KDM3A: variants seen among roughly 807,000 people sequenced by gnomAD.
KDM3A encodes lysine-specific demethylase 3A.
A neutral mutation model predicts 158.0 loss-of-function variants in KDM3A; 60 were observed. That is an observed-to-expected ratio of 0.38 (90% confidence interval 0.31 to 0.47). The LOEUF (loss-of-function observed/expected upper bound fraction) is 0.47. Ranked by LOEUF, KDM3A falls within the 20% of genes least tolerant of loss-of-function variation. The pLI is 0.99. For missense variants in KDM3A, 1,319 were observed against 1,574.3 expected (o/e 0.84, Z 2.74); for synonymous variants, 608 against 549.3 (o/e 1.11, Z -1.49).
At chr2:86,445,213 A>G (rs1304069638) in intron 2 of KDM3A, among the ~76,000 whole-genome samples, 1 of 151,978 alleles carries the variant, frequency 6.6e-6, no homozygotes, top group Non-Finnish European at 1.5e-5. Context: ...GTGCTCAGCT[A>G]TTTGAATGGA....
At chr2:86,449,584 C>T (rs1672348834) in intron 2 of KDM3A, among the ~76,000 whole-genome samples, 1 of 152,100 alleles carries the variant, frequency 6.6e-6, no homozygotes, top group Non-Finnish European at 1.5e-5. Flanking sequence ...GCCCAAAAAG[C>T]CTTGACTTCT....
At chr2:86,457,814 A>G (rs969573206) in intron 8 of KDM3A, among the ~76,000 whole-genome samples, 8 of 152,196 alleles carry the variant, frequency 5.3e-5, no homozygotes, top group Admixed American at 2.6e-4. Context: ...TTGGTTTGCC[A>G]TTACTAATTT....
chr2:86,470,595 A>AT (rs1472589188), intron 11 of KDM3A, among the ~76,000 whole-genome samples, 187 bp downstream of exon 11: 4 of 151,982 alleles, frequency 2.6e-5, no homozygotes, highest in Non-Finnish European at 5.9e-5. Flanking sequence ...CTTATTTTTG[A>AT]TTTTTTTTAA....
upstream of KDM3A, among the ~76,000 whole-genome samples, chr2:86,437,065 A>T (rs1246621457): frequency 6.6e-6 from 1 of 152,250 alleles, no homozygotes; most frequent in South Asian, 2.1e-4. Flanking sequence ...ATTGGATTTT[A>T]AAATATGTAG....
chr2:86,478,859 A>C (rs187765460), intron 15 of KDM3A, 124 bp downstream of exon 15: 86 of 873,214 alleles, frequency 9.8e-5, no homozygotes, highest in Middle Eastern at 6.7e-4. Context: ...AAGTGGAAAG[A>C]GAGAGAGAAA....
upstream of KDM3A, among the ~76,000 whole-genome samples, chr2:86,439,635 T>C (rs1388365668): frequency 6.6e-6 from 1 of 152,090 alleles, no homozygotes; most frequent in Non-Finnish European, 1.5e-5. Flanking sequence ...CCCTTATATT[T>C]TACATTTGAG....
intron 18 of KDM3A, chr2:86,483,093 A>G (rs147600665): frequency 9.7e-5 from 19 of 194,944 alleles, no homozygotes; most frequent in Non-Finnish European, 1.9e-4. Context: ...TGCTGAAGGC[A>G]GTTCTAGGTG....
intron 11 of KDM3A, among the ~76,000 whole-genome samples, chr2:86,471,471 T>C (rs1397513760): frequency 6.6e-6 from 1 of 152,182 alleles, no homozygotes; most frequent in African/African-American, 2.4e-5. Flanking sequence ...TTTTTGTTCA[T>C]ATAGAAATGA....
rs1244799820 is a variant in KDM3A, at chr2:86,449,795, TTGTC to T, written c.187-6_187-3del. ...AATCTGCTTCCCCCACCCCCCAATTTTGTCTGTCTAGGTGTGTGTGGAATTTGAT... is the reference window on the plus strand; with the variant it reads ...AATCTGCTTCCCCCACCCCCCAATTTTGTCTAGGTGTGTGTGGAATTTGAT... On this transcript the variant is annotated splice_polypyrimidine_tract_variant and splice_region_variant and intron_variant, in intron 2 of 25. Coordinates refer to ENST00000312912, the MANE Select transcript of KDM3A (RefSeq NM_018433.6). 6.3e-7 allele frequency: 1 copy of T among 1,575,506 alleles called. No individual in the cohort carries two copies.
intron 16 of KDM3A, 91 bp from the exon 17 acceptor site, chr2:86,481,839 C>T (rs1673944433): frequency 1.3e-5 from 13 of 963,888 alleles, no homozygotes; most frequent in South Asian, 8.0e-5. Context: ...AAATAGAAAG[C>T]AAGTTCTAAA....
At chr2:86,451,660 G>A (rs1297905588) in intron 4 of KDM3A, among the ~76,000 whole-genome samples, 3 of 152,126 alleles carry the variant, frequency 2.0e-5, no homozygotes, top group Non-Finnish European at 2.9e-5. Flanking sequence ...CCACAACTGT[G>A]TTGTTCAGTG....
At chr2:86,472,613 C>A (rs1017209875) in intron 11 of KDM3A, among the ~76,000 whole-genome samples, 4 of 152,078 alleles carry the variant, frequency 2.6e-5, no homozygotes, top group Non-Finnish European at 5.9e-5. Context: ...AAATAATTTG[C>A]GTGTGTTAGG....
chr2:86,485,418 C>A (rs370795584), intron 20 of KDM3A, among the ~76,000 whole-genome samples: 13 of 152,280 alleles, frequency 8.5e-5, no homozygotes, highest in South Asian at 6.2e-4. Flanking sequence ...CCTGACTGAG[C>A]TTGAAACTTT....
At chr2:86,461,497 T>C (rs1400666715) in intron 8 of KDM3A, among the ~76,000 whole-genome samples, 4 of 152,194 alleles carry the variant, frequency 2.6e-5, no homozygotes, top group African/African-American at 9.7e-5. Context: ...TTATTGAGCA[T>C]CCACTGTATG....
chr2:86,490,788 A>G (rs1306166538), intron 23 of KDM3A, 93 bp from the exon 24 acceptor site: 25 of 885,742 alleles, frequency 2.8e-5, no homozygotes, highest in Middle Eastern at 3.5e-4. Flanking sequence ...AAGGCCTGAC[A>G]TTTATGAACT....
chr2:86,456,166 G>A (rs1672687063), intron 5 of KDM3A, among the ~76,000 whole-genome samples: 1 of 151,496 alleles, frequency 6.6e-6, no homozygotes. Flanking sequence ...TATTTTTGTT[G>A]GGGTTCCTGA....
intron 8 of KDM3A, among the ~76,000 whole-genome samples, chr2:86,458,885 A>G (rs1360171771): frequency 6.6e-6 from 1 of 152,128 alleles, no homozygotes. Flanking sequence ...AGGGAAGGAC[A>G]TGAGAATAGA....
intron 9 of KDM3A, among the ~76,000 whole-genome samples, chr2:86,466,105 A>G (rs754396137): frequency 2.0e-5 from 3 of 152,160 alleles, no homozygotes; most frequent in Non-Finnish European, 4.4e-5. Flanking sequence ...GAGAAGTAGA[A>G]CTAACGTAAG....
chr2:86,460,250 C>T (rs1334457868), intron 8 of KDM3A, among the ~76,000 whole-genome samples: 1 of 152,078 alleles, frequency 6.6e-6, no homozygotes, highest in Non-Finnish European at 1.5e-5. Context: ...AAACTAAAAA[C>T]CATACTCTTG....
Sources: allele counts gnomAD v4.1 joint callset (sites outside exome capture counted in the v4.1 genomes callset), GRCh38; gene constraint gnomAD v4.1.1; transcripts MANE v1.5; gene names NCBI Gene and HGNC (gene_info 2026-07-23, HGNC 2026-07-21).